Variants in CACNA2D3 observed in about 807,000 individuals in gnomAD.
CACNA2D3 encodes the protein calcium voltage-gated channel auxiliary subunit alpha2delta 3.
Under a neutral mutation model 160.6 loss-of-function variants are expected in CACNA2D3, and 60 were observed. That is an observed-to-expected ratio of 0.37 (90% CI 0.30 to 0.46). CACNA2D3 has a LOEUF of 0.46. Among genes scored for constraint, CACNA2D3 ranks in the 20% least tolerant of loss-of-function variants. CACNA2D3 has a pLI of 1.00. For synonymous variants in CACNA2D3, 558 were observed against 492.9 expected, an observed-to-expected ratio of 1.13 and a Z score of -1.75; for missense variants, 1,205 against 1,365.0, an observed-to-expected ratio of 0.88 and a Z score of 1.85.
At chr3:54,176,086 A>T (rs1700672538) in intron 2 of CACNA2D3, among the ~76,000 whole-genome samples, 1 of 152,216 alleles carries the variant, frequency 6.6e-6, no homozygotes, top group Non-Finnish European at 1.5e-5. Context: ...TGCATTGCCT[A>T]GCTTTGAGGG....
intron 5 of CACNA2D3, among the ~76,000 whole-genome samples, chr3:54,515,124 A>T (rs1025142202): frequency 2.0e-5 from 3 of 151,852 alleles, no homozygotes; most frequent in Non-Finnish European, 4.4e-5. Flanking sequence ...GTGCCCAGCA[A>T]GTGACAAAGA....
intron 3 of CACNA2D3, among the ~76,000 whole-genome samples, chr3:54,375,885 G>A (rs940675575): frequency 1.3e-5 from 2 of 152,224 alleles, no homozygotes; most frequent in African/African-American, 2.4e-5. Flanking sequence ...GACAAAAGTA[G>A]TGAAACATGG....
At chr3:54,628,124 C>T (rs987768557) in intron 10 of CACNA2D3, among the ~76,000 whole-genome samples, 16 of 151,882 alleles carry the variant, frequency 1.1e-4, no homozygotes, top group Admixed American at 2.0e-4. Flanking sequence ...CCCAGCTACT[C>T]GGGAGGTGGA....
chr3:54,149,930 T>TCTCTCTCTCTCTCTCTCTCTCC (rs1559863338), intron 2 of CACNA2D3, among the ~76,000 whole-genome samples: 4 of 40,428 alleles, frequency 9.9e-5, no homozygotes, highest in Non-Finnish European at 1.3e-4. Flanking sequence ...TCTCTCTCTC[T>TCTCTCTCTCTCTCTCTCTCTCC]CCCTCCCTCC....
chr3:54,344,674 A>C (rs750912993), intron 3 of CACNA2D3, among the ~76,000 whole-genome samples: 2 of 152,106 alleles, frequency 1.3e-5, no homozygotes, highest in African/African-American at 2.4e-5. Context: ...GGGTGGGGGA[A>C]GGGGAGTGTC....
intron 9 of CACNA2D3, among the ~76,000 whole-genome samples, chr3:54,593,090 C>G (rs1203444420): frequency 6.6e-6 from 1 of 152,052 alleles, no homozygotes; most frequent in Admixed American, 6.6e-5. Context: ...GAACAAATAC[C>G]CACTTTTATT....
At chr3:54,477,193 G>C (rs1425158234) in intron 4 of CACNA2D3, among the ~76,000 whole-genome samples, 1 of 152,064 alleles carries the variant, frequency 6.6e-6, no homozygotes, top group East Asian at 1.9e-4. Flanking sequence ...AAAGTGATGA[G>C]ATGGGTATCT....
intron 27 of CACNA2D3, among the ~76,000 whole-genome samples, chr3:54,905,565 T>G (rs561799121): frequency 6.6e-6 from 1 of 152,296 alleles, no homozygotes; most frequent in South Asian, 2.1e-4. Flanking sequence ...AGGAACTGTT[T>G]TATTTTGGCA....
Position 54,331,109 on chromosome 3 carries a change from T to C in CACNA2D3, c.321+10551T>C, listed in dbSNP as rs984881461. Reference sequence around the variant, plus strand: ...AAAATAATTAATCACATCAGAATTGTAAACCTCTGTCCCCCAGGCCAATCC... The same window carrying C: ...AAAATAATTAATCACATCAGAATTGCAAACCTCTGTCCCCCAGGCCAATCC... On this transcript the variant is annotated intron_variant, in intron 3 of 37. Coordinates refer to ENST00000474759, the MANE Select transcript of CACNA2D3 (RefSeq NM_018398.3). 2.6e-5 allele frequency among the ~76,000 whole-genome samples: 4 copies of C among 152,296 alleles called. No individual in the cohort carries two copies. The South Asian group carries it at 8.3e-4, about 32-fold the overall frequency.
intron 8 of CACNA2D3, among the ~76,000 whole-genome samples, chr3:54,581,055 A>G (rs1029682930): frequency 2.6e-5 from 4 of 152,190 alleles, no homozygotes; most frequent in African/African-American, 2.4e-5. Context: ...GGGAACATTC[A>G]TCTGCACAGC....
chr3:54,459,980 C>T (rs1199173667), intron 4 of CACNA2D3, among the ~76,000 whole-genome samples: 5 of 152,094 alleles, frequency 3.3e-5, no homozygotes, highest in Admixed American at 2.6e-4. Flanking sequence ...CCAGTTTCAG[C>T]TTTCTCCATA....
In CACNA2D3 at chr3:54,809,351, G is replaced by T. The variant is rs377028331; in HGVS notation, c.1381-7502G>T. On this transcript the variant is annotated intron_variant, in intron 13 of 37. Coordinates refer to ENST00000474759, the MANE Select transcript of CACNA2D3 (RefSeq NM_018398.3). ...TTTTGAGACGGAGTCTCGCTCTGTCGCCCAGGTCGGACTGCGGACTGCAGT... is the reference window on the plus strand; with the variant it reads ...TTTTGAGACGGAGTCTCGCTCTGTCTCCCAGGTCGGACTGCGGACTGCAGT... 9.7e-5 allele frequency among the ~76,000 whole-genome samples: 8 copies of T among 82,230 alleles called. No homozygotes were observed. In the Admixed American group the frequency reaches 1.3e-3, roughly 13 times the overall value. 53.9% of individuals were successfully genotyped at this position (82,230 alleles called of 152,430 possible). A position where few individuals can be genotyped will look rare whatever the true frequency, so the allele number is the denominator to read the frequency against.
intron 4 of CACNA2D3, among the ~76,000 whole-genome samples, chr3:54,446,911 A>C (rs1700230854): frequency 6.6e-6 from 1 of 152,170 alleles, no homozygotes; most frequent in Admixed American, 6.5e-5. Context: ...TGAACTCTCC[A>C]GCTCTCCGAC....
chr3:54,569,883 T>C (rs992539234), intron 7 of CACNA2D3, 28 bp downstream of exon 7: 2 of 1,610,640 alleles, frequency 1.2e-6, no homozygotes, highest in African/African-American at 1.3e-5. Flanking sequence ...CTCTTTGTTA[T>C]TTCTCAAAGA....
At chr3:54,275,535 G>A (rs1702716628) in intron 2 of CACNA2D3, among the ~76,000 whole-genome samples, 1 of 152,196 alleles carries the variant, frequency 6.6e-6, no homozygotes, top group African/African-American at 2.4e-5. Context: ...AGCAAGATGT[G>A]CAGCAGTCTT....
chr3:54,967,705 G>A lies in CACNA2D3; in HGVS notation c.2450-745G>A, dbSNP rs536319137. ...TGAGATGGTTTCAGGTCTTTCAAGT[G>A]GTTTGGGCTTCATGGAGAAAAATAA... On this transcript the variant is annotated intron_variant, in intron 27 of 37. Coordinates refer to ENST00000474759, the MANE Select transcript of CACNA2D3 (RefSeq NM_018398.3). Among the ~76,000 whole-genome samples, 4 of 152,246 alleles carry A rather than the reference G, an allele frequency of 2.6e-5. No individual in the cohort carries two copies. In the South Asian group the frequency reaches 8.3e-4, roughly 32 times the overall value.
intron 17 of CACNA2D3, among the ~76,000 whole-genome samples, chr3:54,857,577 C>T (rs946578936): frequency 2.0e-5 from 3 of 152,216 alleles, no homozygotes; most frequent in African/African-American, 7.2e-5. Flanking sequence ...TGCCTGCACC[C>T]TGTTGGCTGC....
At chr3:54,257,371 A>G (rs1301293763) in intron 2 of CACNA2D3, among the ~76,000 whole-genome samples, 1 of 152,230 alleles carries the variant, frequency 6.6e-6, no homozygotes, top group Non-Finnish European at 1.5e-5. Context: ...GTTCCACTTC[A>G]TGTAAGACCT....
chr3:54,535,887 T>G (rs1701881462), intron 5 of CACNA2D3, among the ~76,000 whole-genome samples: 1 of 152,208 alleles, frequency 6.6e-6, no homozygotes. Context: ...CAGTGTCAGC[T>G]CTGAACTCAT....
Sources: allele counts gnomAD v4.1 joint callset (sites outside exome capture counted in the v4.1 genomes callset), GRCh38; gene constraint gnomAD v4.1.1; transcripts MANE v1.5; gene names NCBI Gene and HGNC (gene_info 2026-07-23, HGNC 2026-07-21).